Variants in PDZD2 observed in about 807,000 individuals in gnomAD.
PDZD2 encodes PDZ domain-containing protein 2.
In PDZD2, 90 loss-of-function variants were observed where a neutral mutation model predicts 220.7. The ratio of observed to expected loss-of-function variants is 0.41; its 90% CI spans 0.34 to 0.49. PDZD2 has a LOEUF of 0.49. Among genes scored for constraint, PDZD2 ranks in the 20% least tolerant of loss-of-function variants. PDZD2 has a pLI of 0.28. For synonymous variants in PDZD2, 1,375 were observed against 1,450.5 expected, an observed-to-expected ratio of 0.95 and a Z score of 1.18; for missense variants, 3,174 against 3,608.5, an observed-to-expected ratio of 0.88 and a Z score of 3.08.
At chr5:32,063,264 C>T (rs1209498899) in intron 14 of PDZD2, among the ~76,000 whole-genome samples, 16 of 152,076 alleles carry the variant, frequency 1.1e-4, no homozygotes, top group Admixed American at 1.0e-3. Flanking sequence ...AGGCTGGTCT[C>T]AAACTCCTGA....
chr5:31,731,611 C>T (rs1393967030), intron 1 of PDZD2, among the ~76,000 whole-genome samples: 3 of 152,110 alleles, frequency 2.0e-5, no homozygotes, highest in African/African-American at 7.2e-5. Context: ...ATTCTGTGAC[C>T]TTCTGTGTCT....
At chr5:31,697,747 C>G (rs892418958) in intron 1 of PDZD2, among the ~76,000 whole-genome samples, 2 of 152,178 alleles carry the variant, frequency 1.3e-5, no homozygotes, top group African/African-American at 4.8e-5. Context: ...TCTGAGATTA[C>G]TGTGCTCAGT....
chr5:31,850,939 C>G (rs1364698262), intron 2 of PDZD2, among the ~76,000 whole-genome samples: 1 of 151,852 alleles, frequency 6.6e-6, no homozygotes, highest in African/African-American at 2.4e-5. Flanking sequence ...CCTGGCCTCC[C>G]AAATTCTAAA....
intron 2 of PDZD2, among the ~76,000 whole-genome samples, chr5:31,973,489 C>T (rs1749486099): frequency 6.6e-6 from 1 of 152,182 alleles, no homozygotes; most frequent in Admixed American, 6.5e-5. Context: ...AGAAAAAGAA[C>T]TACCTCTGCT....
intron 1 of PDZD2, among the ~76,000 whole-genome samples, chr5:31,647,656 C>T (rs1001232992): frequency 3.3e-5 from 5 of 152,202 alleles, no homozygotes; most frequent in African/African-American, 7.2e-5. Flanking sequence ...GGACATTTGT[C>T]ATTGGAGTTA....
chr5:31,813,425 G>A (rs1336067159), intron 2 of PDZD2, among the ~76,000 whole-genome samples: 1 of 140,988 alleles, frequency 7.1e-6, no homozygotes, highest in Non-Finnish European at 1.5e-5. Context: ...ACTCCAGCCT[G>A]GGCGACAGAG....
intron 13 of PDZD2, among the ~76,000 whole-genome samples, chr5:32,060,552 A>T (rs965448759): frequency 2.6e-5 from 4 of 152,202 alleles, no homozygotes; most frequent in African/African-American, 9.7e-5. Context: ...GGGTTCTGTC[A>T]TGTGATGGTT....
chr5:31,874,631 C>T (rs1257885564), intron 2 of PDZD2, among the ~76,000 whole-genome samples: 1 of 151,846 alleles, frequency 6.6e-6, no homozygotes, highest in African/African-American at 2.4e-5. Context: ...TGTGGTGGCA[C>T]ATGCCTATAG....
rs561546760 is a variant in PDZD2, at chr5:31,759,515, C to T, written c.-360-39374C>T. Among the ~76,000 whole-genome samples the T allele has an allele frequency of 2.6e-4, 39 of 151,250 alleles. 1 individual carries two copies. In the South Asian group the frequency reaches 6.5e-3, roughly 25 times the overall value. On this transcript the variant is annotated intron_variant, in intron 1 of 24. Transcript: ENST00000438447. ...ACACAGATACACATACCCAAAACCT[C>T]CTTGCCAAGGGACTTCTCAGAACTA...
At chr5:31,818,647 TCTC>T (rs1486174199) in intron 2 of PDZD2, among the ~76,000 whole-genome samples, 1 of 152,120 alleles carries the variant, frequency 6.6e-6, no homozygotes, top group African/African-American at 2.4e-5. Context: ...GGCTCGTTCT[TCTC>T]CTGTTTATTC....
chr5:32,059,250 G>A lies in PDZD2; in HGVS notation c.2212G>A (p.Gly738Arg). The change falls in exon 13 of 25, where the codon GGA becomes AGA. Residue 738 changes from glycine to arginine, a missense_variant. By Grantham distance (125) the Gly-to-Arg change is moderately radical. This residue lies in a region of PDZD2 where 1,861 missense variants were observed against 2,001.0 expected (regional missense o/e 0.93). Coordinates refer to ENST00000438447, the MANE Select transcript of PDZD2 (RefSeq NM_178140.4). ...GGTGCCTCTCACAGAGCCAAGAGTT[G>A]GATTAGGCATTGGTGCCTGCTGCTT... ...EVTLNKEPRV[G>R]LGIGACCLAL... 1.9e-6 allele frequency: 3 copies of A among 1,601,752 alleles called. No individual in the cohort carries two copies. The highest frequency in any genetic ancestry group is 2.6e-6 in the Non-Finnish European group (3 of 1,168,950).
chr5:31,965,275 C>T (rs1477966630), intron 2 of PDZD2, among the ~76,000 whole-genome samples: 2 of 152,170 alleles, frequency 1.3e-5, no homozygotes, highest in African/African-American at 4.8e-5. Context: ...GGAAACCAGC[C>T]AGGTATGTGT....
intron 5 of PDZD2, among the ~76,000 whole-genome samples, chr5:32,003,501 AAAC>A (rs1251853785): frequency 7.9e-6 from 1 of 126,278 alleles, no homozygotes; most frequent in East Asian, 2.6e-4. Context: ...ACCACATCAT[AAAC>A]AAACACCACA....
In PDZD2 at chr5:32,087,214, A is replaced by C; in HGVS notation, c.3766A>C (p.Thr1256Pro). 1 of 1,614,002 alleles carries C rather than the reference A, an allele frequency of 6.2e-7. No individual in the cohort carries two copies. The highest frequency in any genetic ancestry group is 8.5e-7 in the Non-Finnish European group (1 of 1,179,904). Residue 1256 changes from threonine (T) to proline (P), a missense_variant, in exon 20 of 25, where the codon ACA becomes CCA. Transcript: ENST00000438447. The surrounding 1 kb of genome is among the most constrained non-coding windows in gnomAD (Gnocchi z 4.0). ...HPDPSKTSVD[T>P]GQVSRPENPS... The stretch of plus-strand genomic sequence containing the variant: ...TGACCCCAGCAAGACCTCTGTAGAC[A>C]CAGGGCAAGTCAGTCGGCCAGAGAA...
intron 1 of PDZD2, among the ~76,000 whole-genome samples, chr5:31,681,437 G>A (rs1419508234): frequency 2.6e-5 from 4 of 152,142 alleles, no homozygotes; most frequent in South Asian, 2.1e-4. Flanking sequence ...TAGTAGAGAC[G>A]AGGTTTCGCC....
intron 2 of PDZD2, among the ~76,000 whole-genome samples, chr5:31,970,516 C>A (rs1749204402): frequency 6.6e-6 from 1 of 152,032 alleles, no homozygotes; most frequent in Non-Finnish European, 1.5e-5. Context: ...ATTAACCGGG[C>A]ATGATGGTGG....
Position 32,087,187 on chromosome 5 carries a change from C to T in PDZD2, c.3739C>T (p.Pro1247Ser). Residue 1247 changes from proline to serine, a missense_variant, in exon 20 of 25, where the codon CCT becomes TCT. Pro to Ser is a moderately conservative substitution (Grantham distance 74). Transcript: ENST00000438447. The surrounding 1 kb of genome is among the most constrained non-coding windows in gnomAD (Gnocchi z 4.0). ...SSPGKKGAAH[P>S]DPSKTSVDTG... ...CCCAGGGAAGAAGGGGGCCGCTCAT[C>T]CTGACCCCAGCAAGACCTCTGTAGA... 1.9e-6 allele frequency: 3 copies of T among 1,613,934 alleles called. No individual in the cohort carries two copies. The highest frequency in any genetic ancestry group is 2.5e-6 in the Non-Finnish European group (3 of 1,179,834).
rs775796927 is a variant in PDZD2 at position 32,090,648 on chromosome 5, C to T, written c.7200C>T (p.Cys2400=). 6.2e-7 allele frequency: 1 copy of T among 1,614,106 alleles called. No homozygotes were observed. Among genetic ancestry groups the T allele is most frequent in the South Asian group, 1.1e-5 (1 of 91,068 alleles). ...ARLLRRSLSS[C]SENQSEAGTL... ...TGTTGAGACGCAGCTTGAGTTCCTG[C>T]AGCGAAAACCAAAGCGAAGCCGGCA... The change falls in exon 20 of 25, where the codon TGC becomes TGT. Residue 2400 remains cysteine (C), a synonymous_variant. Transcript: ENST00000438447. The surrounding 1 kb of genome is among the most constrained non-coding windows in gnomAD (Gnocchi z 4.3).
At chr5:31,756,082 T>C (rs557517065) in intron 1 of PDZD2, among the ~76,000 whole-genome samples, 1 of 152,176 alleles carries the variant, frequency 6.6e-6, no homozygotes, top group East Asian at 1.9e-4. Flanking sequence ...TGTAGAGGAA[T>C]GGGACACCCG....
Sources: gnomAD v4.1 joint callset for allele counts (sites outside exome capture counted in the v4.1 genomes callset) on GRCh38, gnomAD v4.1.1 for gene constraint, gnomAD v4.1.1 regional missense constraint, Gnocchi (gnomAD v3.1) non-coding constraint, MANE v1.5 for transcripts, NCBI Gene and HGNC (gene_info 2026-07-23, HGNC 2026-07-21) for gene names.